The following BEND6 variants were observed in gnomAD, a reference collection of about 807,000 sequenced individuals.
The protein encoded by BEND6 is BEN domain-containing protein 6.
BEND6 carries 24 observed loss-of-function variants against 31.8 expected under a neutral mutation model. The observed-to-expected ratio is 0.75, with a 90% CI of 0.55 to 1.06. The LOEUF (loss-of-function observed/expected upper bound fraction) is 1.06. BEND6 is among the 50% of genes least tolerant of loss of function. The pLI is 0.00. For synonymous variants in BEND6, 109 were observed against 114.6 expected (o/e 0.95, Z 0.31); for missense variants, 294 against 327.4 (o/e 0.90, Z 0.79).
At chr6:57,015,734 G>T (rs985035193) in intron 4 of BEND6, among the ~76,000 whole-genome samples, 7 of 151,680 alleles carry the variant, frequency 4.6e-5, no homozygotes, top group African/African-American at 1.7e-4. Context: ...GAACCCAGGA[G>T]GTGGAGCTTG....
chr6:56,986,411 C>T (rs1826275015), intron 2 of BEND6, among the ~76,000 whole-genome samples: 1 of 151,446 alleles, frequency 6.6e-6, no homozygotes, highest in Admixed American at 6.6e-5. Context: ...GCACTCCAGC[C>T]CGGGCAAAAG....
At chr6:56,965,239 T>A (rs74653917) in intron 1 of BEND6, among the ~76,000 whole-genome samples, 1,523 of 152,090 alleles carry the variant, frequency 0.01, 27 homozygotes, top group African/African-American at 0.034. Context: ...AATATCAGAG[T>A]AAGGAGAGAA....
At chr6:56,957,556 T>A (rs948500449) in intron 1 of BEND6, among the ~76,000 whole-genome samples, 2 of 152,238 alleles carry the variant, frequency 1.3e-5, no homozygotes, top group Admixed American at 1.3e-4. Flanking sequence ...TAGTAGAAAT[T>A]ATACCTTGCC....
intron 3 of BEND6, among the ~76,000 whole-genome samples, chr6:56,997,845 C>T (rs1039604864): frequency 6.6e-6 from 1 of 152,146 alleles, no homozygotes; most frequent in Non-Finnish European, 1.5e-5. Context: ...AGCTACCGCG[C>T]CTGGCCCATT....
chr6:57,011,758 AAAAG>A (rs780760974), intron 3 of BEND6, among the ~76,000 whole-genome samples: 41 of 150,814 alleles, frequency 2.7e-4, no homozygotes, highest in African/African-American at 8.3e-4. Context: ...AAAGAAAAGA[AAAAG>A]AAAGAAAGAA....
intron 1 of BEND6, among the ~76,000 whole-genome samples, chr6:56,968,366 G>A (rs1387954105): frequency 1.6e-5 from 2 of 124,554 alleles, no homozygotes; most frequent in African/African-American, 6.2e-5. Context: ...TGTCACCCAG[G>A]CTGGAGTGCA....
Position 57,026,406 on chromosome 6 carries a change from A to G in BEND6, c.*334A>G, listed in dbSNP as rs961370080. On this transcript the variant is annotated 3_prime_UTR_variant, in exon 7 of 7. Transcript: ENST00000370746. Reference sequence around the variant, plus strand: ...ACAGTTAATCTAACAGGATAGTCAGAGCTCTTATCATAGCAGCCAAAACTT... The same window carrying G: ...ACAGTTAATCTAACAGGATAGTCAGGGCTCTTATCATAGCAGCCAAAACTT... The G allele has an allele frequency of 5.0e-4, 76 of 152,248 alleles. No individual in the cohort carries two copies. Among genetic ancestry groups the G allele is most frequent in the African/African-American group, 1.8e-3 (75 of 41,470 alleles). The allele number at this position is 152,248 out of a possible 1,614,324, so 9.4% of individuals were successfully genotyped here. A position where few individuals can be genotyped will look rare whatever the true frequency, so the allele number is the denominator to read the frequency against.
intron 6 of BEND6, among the ~76,000 whole-genome samples, chr6:57,024,171 A>G (rs1462935301): frequency 6.6e-6 from 1 of 152,156 alleles, no homozygotes; most frequent in Non-Finnish European, 1.5e-5. Flanking sequence ...CTATCTCTTA[A>G]TAGGTTGCTG....
chr6:56,959,772 G>A (rs555581513), intron 1 of BEND6, among the ~76,000 whole-genome samples: 10 of 152,142 alleles, frequency 6.6e-5, no homozygotes, highest in African/African-American at 1.2e-4. Context: ...TTATTTTACC[G>A]TAATAAAAAC....
intron 1 of BEND6, among the ~76,000 whole-genome samples, chr6:56,967,502 T>G (rs1270007553): frequency 2.0e-5 from 3 of 152,028 alleles, no homozygotes; most frequent in Non-Finnish European, 1.5e-5. Context: ...TTGGCTGAAA[T>G]CAGCTGAACT....
intron 3 of BEND6, among the ~76,000 whole-genome samples, chr6:57,001,155 C>CTT (rs33918532): frequency 0.011 from 1,339 of 118,228 alleles, 33 homozygotes; most frequent in African/African-American, 0.039. Flanking sequence ...AAGAAAAAGT[C>CTT]TTTTTTTTTT....
chr6:57,003,830 C>G (rs1481546480), intron 3 of BEND6, among the ~76,000 whole-genome samples: 1 of 152,148 alleles, frequency 6.6e-6, no homozygotes, highest in Admixed American at 6.5e-5. Context: ...AGTTAATTCA[C>G]CACTATCAAG....
chr6:56,961,280 C>G (rs1020730724), intron 1 of BEND6, among the ~76,000 whole-genome samples: 1 of 152,140 alleles, frequency 6.6e-6, no homozygotes, highest in Non-Finnish European at 1.5e-5. Flanking sequence ...GCAAAGGAAA[C>G]TTTCTGTTCT....
At chr6:57,000,622 T>A (rs1826897801) in intron 3 of BEND6, among the ~76,000 whole-genome samples, 3 of 134,502 alleles carry the variant, frequency 2.2e-5, no homozygotes, top group Admixed American at 7.4e-5. Context: ...GAATCCAAAA[T>A]ATGAGATAAT....
chr6:56,969,417 G>T (rs1043486727), intron 1 of BEND6, among the ~76,000 whole-genome samples: 3 of 152,176 alleles, frequency 2.0e-5, no homozygotes, highest in Non-Finnish European at 4.4e-5. Flanking sequence ...CCAGCCACTG[G>T]CTATTTAGAA....
chr6:56,987,170 AG>A (rs565147953), intron 2 of BEND6, among the ~76,000 whole-genome samples: 2 of 151,722 alleles, frequency 1.3e-5, no homozygotes, highest in Non-Finnish European at 2.9e-5. Context: ...AGTAGAGACG[AG>A]GTTTCACCAT....
At chr6:57,008,576 AG>A (rs1450715644) in intron 3 of BEND6, 7 of 205,824 alleles carry the variant, frequency 3.4e-5, no homozygotes, top group African/African-American at 1.6e-4. Flanking sequence ...TCTTAAAAAA[AG>A]AAAAAAGAAA....
At chr6:57,013,720 A>G (rs912281304) in intron 3 of BEND6, 2 of 152,414 alleles carry the variant, frequency 1.3e-5, no homozygotes, top group Non-Finnish European at 2.9e-5. Flanking sequence ...AACTGGGACA[A>G]AGGCCAGATC....
At chr6:56,984,048 C>T (rs1017034602) in intron 2 of BEND6, among the ~76,000 whole-genome samples, 3 of 151,996 alleles carry the variant, frequency 2.0e-5, no homozygotes, top group African/African-American at 4.8e-5. Flanking sequence ...GGGAGACCCT[C>T]TCTCTACCAA....
Sources: gnomAD v4.1 joint callset for allele counts (sites outside exome capture counted in the v4.1 genomes callset) on GRCh38, gnomAD v4.1.1 for gene constraint, MANE v1.5 for transcripts, NCBI Gene and HGNC (gene_info 2026-07-23, HGNC 2026-07-21) for gene names.